Variants in NR2C2 observed in about 807,000 individuals in gnomAD.
The protein encoded by NR2C2 is Nuclear hormone receptor TR4.
NR2C2 carries 6 observed loss-of-function variants against 62.9 expected under a neutral mutation model. The ratio of observed to expected loss-of-function variants is 0.10; its 90% confidence interval spans 0.05 to 0.19. The LOEUF (loss-of-function observed/expected upper bound fraction) is 0.19, where lower values mean the gene tolerates loss of function less well. Among genes scored for constraint, NR2C2 ranks in the 10% least tolerant of loss-of-function variants. The pLI is 1.00. For missense variants in NR2C2, 479 were observed against 762.7 expected, an observed-to-expected ratio of 0.63 and a Z score of 4.38; for synonymous variants, 272 against 273.8, an observed-to-expected ratio of 0.99 and a Z score of 0.07.
At chr3:15,038,980 A>G in intron 12 of NR2C2, 142 bp from the exon 13 acceptor site, 1 of 654,878 alleles carries the variant, frequency 1.5e-6, no homozygotes, top group Non-Finnish European at 2.7e-6. Flanking sequence ...TGTTCTAATA[A>G]TACCCAAACT....
intron 1 of NR2C2, among the ~76,000 whole-genome samples, chr3:14,968,359 A>G (rs1161747466): frequency 6.6e-6 from 1 of 152,222 alleles, no homozygotes; most frequent in East Asian, 1.9e-4. Context: ...GAAGACATTT[A>G]TGCAGCCAAA....
chr3:15,027,571 G>A (rs1349622324), intron 7 of NR2C2, among the ~76,000 whole-genome samples: 1 of 152,278 alleles, frequency 6.6e-6, no homozygotes, highest in African/African-American at 2.4e-5. Flanking sequence ...CTTCTTTGGA[G>A]AGAAGTCTAT....
intron 1 of NR2C2, among the ~76,000 whole-genome samples, chr3:14,971,319 T>C (rs1461923367): frequency 6.6e-6 from 1 of 151,540 alleles, no homozygotes; most frequent in African/African-American, 2.4e-5. Flanking sequence ...GGTTTCACCA[T>C]GTTGGCCAAG....
intron 1 of NR2C2, among the ~76,000 whole-genome samples, chr3:14,958,151 A>C (rs562350477): frequency 6.6e-6 from 1 of 152,346 alleles, no homozygotes; most frequent in East Asian, 1.9e-4. Flanking sequence ...TTTGCTTTGC[A>C]TAGATACTTC....
intron 1 of NR2C2, among the ~76,000 whole-genome samples, chr3:14,969,244 C>CT (rs35048015): frequency 0.1 from 13,069 of 125,800 alleles, 901 homozygotes; most frequent in African/African-American, 0.14. Flanking sequence ...AATAAAGATT[C>CT]TTTTTTTTTT....
intron 1 of NR2C2, among the ~76,000 whole-genome samples, chr3:14,964,133 C>T (rs942477650): frequency 5.9e-5 from 9 of 152,102 alleles, no homozygotes; most frequent in African/African-American, 2.2e-4. Flanking sequence ...ACCAGTTTTA[C>T]CCTAGGCTAA....
intron 13 of NR2C2, among the ~76,000 whole-genome samples, chr3:15,041,988 A>G (rs1217904173): frequency 6.6e-6 from 1 of 152,214 alleles, no homozygotes; most frequent in Non-Finnish European, 1.5e-5. Flanking sequence ...TTTTTCATGT[A>G]ATATACAATA....
At chr3:15,024,278 G>A (rs41284019) in intron 7 of NR2C2, 70 bp downstream of exon 7, 107,099 of 1,053,620 alleles carry the variant, frequency 0.1, 6,336 homozygotes, top group Middle Eastern at 0.13. Context: ...CTAACTGTGT[G>A]CACCACTTTC....
At chr3:15,029,792 AATAGATAGATAGATAGATAGATAGATAG>A (rs144596298) in intron 8 of NR2C2, among the ~76,000 whole-genome samples, 3 of 139,194 alleles carry the variant, frequency 2.2e-5, no homozygotes, top group Admixed American at 7.1e-5. Context: ...GTAAATAAAT[AATAGATAGATAGATAGATAGATAGATAG>A]ATAGATAGAT....
intron 1 of NR2C2, among the ~76,000 whole-genome samples, chr3:14,974,620 T>G (rs1574948910): frequency 6.6e-6 from 1 of 151,876 alleles, no homozygotes; most frequent in Non-Finnish European, 1.5e-5. Context: ...TTTTTTTTTT[T>G]TTTGAGATGG....
chr3:15,041,249 C>G (rs1212838512), intron 13 of NR2C2, among the ~76,000 whole-genome samples: 1 of 152,138 alleles, frequency 6.6e-6, no homozygotes, highest in South Asian at 2.1e-4. Context: ...CTTCCCCATC[C>G]TTGTGCCTTT....
In NR2C2 at chr3:15,046,031, T is replaced by C. The variant is rs2042436751; in HGVS notation, c.*3023T>C. ...ATAAAACAGGACAGGAAGAGATTTTTTGAAAGACCAAATTAGTTGAGCAAG... is the reference window on the plus strand; with the variant it reads ...ATAAAACAGGACAGGAAGAGATTTTCTGAAAGACCAAATTAGTTGAGCAAG... On this transcript the variant is annotated 3_prime_UTR_variant, in exon 14 of 14. Coordinates refer to ENST00000425241, the MANE Select transcript of NR2C2 (RefSeq NM_001291694.2). 6.6e-6 allele frequency: 1 copy of C among 152,380 alleles called. No individual in the cohort carries two copies. The highest frequency in any genetic ancestry group is 2.4e-5 in the African/African-American group (1 of 41,600). 9.4% of individuals were successfully genotyped at this position (152,380 alleles called of 1,614,324 possible). A position where few individuals can be genotyped will look rare whatever the true frequency, so the allele number is the denominator to read the frequency against.
chr3:14,972,391 T>A (rs1052776328), intron 1 of NR2C2, among the ~76,000 whole-genome samples: 4 of 152,040 alleles, frequency 2.6e-5, no homozygotes, highest in Non-Finnish European at 5.9e-5. Flanking sequence ...GCCAGGTTGG[T>A]CTCAAACTCC....
At chr3:15,031,550 T>C (rs1196269511) in intron 9 of NR2C2, among the ~76,000 whole-genome samples, 1 of 151,862 alleles carries the variant, frequency 6.6e-6, no homozygotes, top group Non-Finnish European at 1.5e-5. Flanking sequence ...ATTTTTATTT[T>C]TTGTAGAGAT....
intron 8 of NR2C2, among the ~76,000 whole-genome samples, chr3:15,029,375 G>A (rs1310175996): frequency 6.6e-6 from 1 of 152,142 alleles, no homozygotes; most frequent in Non-Finnish European, 1.5e-5. Context: ...TACTAAGGAT[G>A]TTTCTTCTCT....
intron 1 of NR2C2, among the ~76,000 whole-genome samples, chr3:15,001,935 C>A (rs917068238): frequency 3.3e-5 from 5 of 152,102 alleles, no homozygotes; most frequent in Admixed American, 1.3e-4. Context: ...GTGTTTTGAT[C>A]TTATATCCTG....
intron 2 of NR2C2, among the ~76,000 whole-genome samples, chr3:15,010,021 G>T (rs1048482174): frequency 1.5e-4 from 23 of 152,130 alleles, no homozygotes; most frequent in Admixed American, 1.5e-3. Context: ...AATTACATTT[G>T]CAAAGGCCCT....
At chr3:14,961,335 C>T (rs957450040) in intron 1 of NR2C2, among the ~76,000 whole-genome samples, 1 of 152,148 alleles carries the variant, frequency 6.6e-6, no homozygotes, top group African/African-American at 2.4e-5. Context: ...TAGATAGGAA[C>T]TACAGAAAAA....
At chr3:14,993,175 C>T (rs1055831539) in intron 1 of NR2C2, among the ~76,000 whole-genome samples, 3 of 152,072 alleles carry the variant, frequency 2.0e-5, no homozygotes, top group Non-Finnish European at 4.4e-5. Context: ...GAAAAAAGGC[C>T]AAGCATGGTG....
Sources: allele counts gnomAD v4.1 joint callset (sites outside exome capture counted in the v4.1 genomes callset), GRCh38; gene constraint gnomAD v4.1.1; transcripts MANE v1.5; gene names NCBI Gene and HGNC (gene_info 2026-07-23, HGNC 2026-07-21).